ANKRD11: variants seen among roughly 807,000 people sequenced by gnomAD.
The protein encoded by ANKRD11 is ankyrin repeat domain-containing protein 11.
ANKRD11 carries 17 observed loss-of-function variants against 195.7 expected under a neutral mutation model. The observed-to-expected ratio is 0.09, with a 90% CI of 0.06 to 0.13. The LOEUF (loss-of-function observed/expected upper bound fraction) is 0.13. ANKRD11 is among the 10% of genes least tolerant of loss of function. ANKRD11 has a pLI of 1.00. For synonymous variants in ANKRD11, 1,953 were observed against 1,528.1 expected (o/e 1.28, Z -6.49); for missense variants, 3,735 against 3,566.1 (o/e 1.05, Z -1.21).
intron 2 of ANKRD11, among the ~76,000 whole-genome samples, chr16:89,388,266 G>A (rs1409493585): frequency 6.8e-6 from 1 of 147,520 alleles, no homozygotes; most frequent in Non-Finnish European, 1.5e-5. Flanking sequence ...GGGTGGTGCC[G>A]GGTGCTCTCT....
At chr16:89,394,586 C>G (rs2041341889) in intron 2 of ANKRD11, among the ~76,000 whole-genome samples, 1 of 151,732 alleles carries the variant, frequency 6.6e-6, no homozygotes, top group Non-Finnish European at 1.5e-5. Context: ...CAGTATCGCA[C>G]CACTGCACTC....
intron 3 of ANKRD11, among the ~76,000 whole-genome samples, chr16:89,311,560 C>T (rs1430921252): frequency 4.6e-5 from 7 of 152,344 alleles, no homozygotes; most frequent in African/African-American, 7.2e-5. Flanking sequence ...GCTTACCTCA[C>T]ACCACATACA....
intron 3 of ANKRD11, chr16:89,313,455 G>A (rs1325711873): frequency 3.8e-5 from 49 of 1,289,202 alleles, no homozygotes; most frequent in Non-Finnish European, 4.9e-5. Context: ...GCCTGCCACT[G>A]TGCTCACTGG....
chr16:89,330,632 CAGT>C (rs1208913523), intron 2 of ANKRD11, among the ~76,000 whole-genome samples: 3 of 114,958 alleles, frequency 2.6e-5, no homozygotes, highest in African/African-American at 1.0e-4. Flanking sequence ...CGTGACACGG[CAGT>C]AGGTTTCCCC....
At chr16:89,287,952 G>GT in intron 7 of ANKRD11, 6 of 454,960 alleles carry the variant, frequency 1.3e-5, no homozygotes, top group South Asian at 1.1e-4. Flanking sequence ...AGACATCAGT[G>GT]AGACCCGCCG....
chr16:89,307,933 G>C (rs2036389742), intron 3 of ANKRD11, among the ~76,000 whole-genome samples: 1 of 151,180 alleles, frequency 6.6e-6, no homozygotes, highest in Non-Finnish European at 1.5e-5. Context: ...ACATGTGAAG[G>C]TTCTACCAAA....
At chr16:89,387,721 G>A (rs1597240612) in intron 2 of ANKRD11, among the ~76,000 whole-genome samples, 1 of 145,382 alleles carries the variant, frequency 6.9e-6, no homozygotes, top group East Asian at 2.1e-4. Context: ...GACTGTGCTT[G>A]GCCGGGCACG....
At chr16:89,369,437 C>T (rs924244420) in intron 2 of ANKRD11, among the ~76,000 whole-genome samples, 1 of 152,220 alleles carries the variant, frequency 6.6e-6, no homozygotes, top group African/African-American at 2.4e-5. Flanking sequence ...GGGTGCGCCT[C>T]CACGGCACCA....
At chr16:89,465,560 C>T (rs1282451855) in intron 1 of ANKRD11, among the ~76,000 whole-genome samples, 1 of 152,190 alleles carries the variant, frequency 6.6e-6, no homozygotes, top group Non-Finnish European at 1.5e-5. Context: ...CAGGTGGGAA[C>T]ACTTGCTCCT....
chr16:89,315,054 T>C (rs1347456067), intron 3 of ANKRD11, among the ~76,000 whole-genome samples: 1 of 152,084 alleles, frequency 6.6e-6, no homozygotes, highest in East Asian at 1.9e-4. Flanking sequence ...ACATCACCCG[T>C]GTGAACATGA....
At chr16:89,436,607 A>G (rs2043226427) in intron 1 of ANKRD11, among the ~76,000 whole-genome samples, 1 of 152,212 alleles carries the variant, frequency 6.6e-6, no homozygotes, top group Non-Finnish European at 1.5e-5. Context: ...GGAAATGAAG[A>G]CGCAGGGGCA....
At chr16:89,445,999 G>GT (rs2043772693) in intron 1 of ANKRD11, among the ~76,000 whole-genome samples, 7 of 118,066 alleles carry the variant, frequency 5.9e-5, no homozygotes, top group African/African-American at 1.5e-4. Context: ...AAAATTTTTT[G>GT]TTAAAAAAAA....
At chr16:89,334,155 A>AC (rs1330033604) in intron 2 of ANKRD11, among the ~76,000 whole-genome samples, 2 of 137,408 alleles carry the variant, frequency 1.5e-5, no homozygotes, top group African/African-American at 2.7e-5. Context: ...AAAAAAAAAA[A>AC]AAAAAAAAAA....
chr16:89,275,729 G>A (rs542687388), intron 9 of ANKRD11, among the ~76,000 whole-genome samples: 7 of 152,328 alleles, frequency 4.6e-5, no homozygotes, highest in African/African-American at 1.2e-4. Flanking sequence ...GGGGGACTGT[G>A]GGCCGGAAGC....
intron 2 of ANKRD11, chr16:89,412,557 A>G (rs923248026): frequency 2.0e-5 from 3 of 152,146 alleles, no homozygotes; most frequent in African/African-American, 7.2e-5. Context: ...CAGGAACCCA[A>G]TTACATCTGG....
chr16:89,401,561 G>A (rs1275127946), intron 2 of ANKRD11, among the ~76,000 whole-genome samples: 1 of 152,090 alleles, frequency 6.6e-6, no homozygotes, highest in African/African-American at 2.4e-5. Context: ...GATTACAGGC[G>A]ATTTTTACTT....
At chr16:89,432,236 TACACAC>T (rs59807718) in intron 1 of ANKRD11, among the ~76,000 whole-genome samples, 4,630 of 142,704 alleles carry the variant, frequency 0.032, 104 homozygotes, top group East Asian at 0.083. Context: ...CGTGATGCAG[TACACAC>T]ACACACACAC....
intron 2 of ANKRD11, among the ~76,000 whole-genome samples, chr16:89,345,371 G>A (rs946177294): frequency 1.3e-5 from 2 of 151,820 alleles, no homozygotes; most frequent in African/African-American, 4.8e-5. Context: ...CATCTGGGGA[G>A]GCTCTGCCCT....
chr16:89,352,966 T>C lies in ANKRD11; in HGVS notation c.-59-35888A>G, dbSNP rs370471702. On this transcript the variant is annotated intron_variant, in intron 2 of 12. Coordinates refer to ENST00000301030, the MANE Select transcript of ANKRD11 (RefSeq NM_013275.6). ...AAAACAAACATACTTCAGAAAAGTT[T>C]ATGGAAAACATTAAACCTTGAATAT... is the stretch of plus-strand genomic sequence containing the variant. Among the ~76,000 whole-genome samples the C allele has an allele frequency of 2.4e-4, 37 of 152,384 alleles. 1 individual carries two copies. Among genetic ancestry groups the C allele is most frequent in the African/African-American group, 8.7e-4 (36 of 41,596 alleles).
Sources: allele counts gnomAD v4.1 joint callset (sites outside exome capture counted in the v4.1 genomes callset), GRCh38; gene constraint gnomAD v4.1.1; transcripts MANE v1.5; gene names NCBI Gene and HGNC (gene_info 2026-07-23, HGNC 2026-07-21).